The following C11orf65 variants were observed in gnomAD, a reference collection of about 807,000 sequenced individuals.
The protein encoded by C11orf65 is chromosome 11 open reading frame 65.
A neutral mutation model predicts 35.3 loss-of-function variants in C11orf65; 38 were observed. The observed-to-expected ratio is 1.08, with a 90% CI of 0.83 to 1.41. C11orf65 has a LOEUF of 1.41. C11orf65 is among the 40% of genes most tolerant of loss of function. The pLI, the probability that C11orf65 is intolerant of heterozygous loss-of-function variation, is 0.00. For missense variants in C11orf65, 370 were observed against 367.1 expected, an observed-to-expected ratio of 1.01 and a Z score of -0.06; for synonymous variants, 105 against 114.4, an observed-to-expected ratio of 0.92 and a Z score of 0.53.
At chr11:108,358,616 C>A in intron 2 of C11orf65, among the ~76,000 whole-genome samples, 1 of 134,010 alleles carries the variant, frequency 7.5e-6, no homozygotes, top group Admixed American at 7.8e-5. Flanking sequence ...ACCCTACAAG[C>A]CAGAAGAGAG....
intron 2 of C11orf65, among the ~76,000 whole-genome samples, chr11:108,434,050 G>C (rs187641990): frequency 4.6e-5 from 7 of 152,288 alleles, no homozygotes; most frequent in Admixed American, 3.9e-4. Context: ...GAAGATGCTT[G>C]TGTCGTATGT....
rs146060206 is a variant in C11orf65, at chr11:108,414,029, A to C, written c.175-6880T>G. ...GGGACTAGAAAAGCAAAGCAAATTA[A>C]ATTCAAAGCAAGCAGACGAAAATAA... On this transcript the variant is annotated intron_variant, in intron 3 of 8. Coordinates refer to ENST00000393084, the MANE Select transcript of C11orf65 (RefSeq NM_152587.5). 6.0e-3 allele frequency among the ~76,000 whole-genome samples: 917 copies of C among 152,208 alleles called. 6 individuals carry two copies. The highest frequency in any genetic ancestry group is 0.011 in the East Asian group (55 of 5,180).
chr11:108,322,094 G>T (rs1204536483), intron 6 of C11orf65, among the ~76,000 whole-genome samples: 2 of 152,062 alleles, frequency 1.3e-5, no homozygotes, highest in Non-Finnish European at 2.9e-5. Flanking sequence ...TCCCTTAAAA[G>T]TGGGAACCAT....
intron 3 of C11orf65, among the ~76,000 whole-genome samples, chr11:108,425,410 A>C (rs1417109169): frequency 6.6e-6 from 1 of 152,238 alleles, no homozygotes; most frequent in East Asian, 1.9e-4. Context: ...GAAATGGATA[A>C]ATTCCTGGAC....
chr11:108,348,620 A>G (rs1010152862), intron 2 of C11orf65, among the ~76,000 whole-genome samples: 2 of 152,132 alleles, frequency 1.3e-5, no homozygotes, highest in Admixed American at 6.5e-5. Flanking sequence ...AACTTCTATT[A>G]AACAGTATTA....
At chr11:108,449,405 C>T (rs1211986065) in intron 2 of C11orf65, among the ~76,000 whole-genome samples, 1 of 151,922 alleles carries the variant, frequency 6.6e-6, no homozygotes, top group African/African-American at 2.4e-5. Flanking sequence ...GCTACAGTAA[C>T]CAAAACAGCA....
At chr11:108,313,142 G>C (rs2136075603) in intron 6 of C11orf65, among the ~76,000 whole-genome samples, 1 of 152,286 alleles carries the variant, frequency 6.6e-6, no homozygotes, top group East Asian at 1.9e-4. Flanking sequence ...TCATGTTACA[G>C]AAACAGTTTA....
downstream of C11orf65, among the ~76,000 whole-genome samples, chr11:108,328,581 T>C (rs1296435681): frequency 6.6e-6 from 1 of 152,218 alleles, no homozygotes; most frequent in Non-Finnish European, 1.5e-5. Flanking sequence ...TCTCTGTTTT[T>C]GCAGAGTTCT....
downstream of C11orf65, chr11:108,331,253 A>G: frequency 5.3e-6 from 7 of 1,310,166 alleles, no homozygotes; most frequent in Non-Finnish European, 6.8e-6. Context: ...TTACCAATGC[A>G]TTAATCTAGA....
intron 3 of C11orf65, among the ~76,000 whole-genome samples, chr11:108,411,685 ACT>A (rs1463564723): frequency 6.6e-6 from 1 of 151,748 alleles, no homozygotes; most frequent in African/African-American, 2.4e-5. Context: ...TATTGAACTG[ACT>A]CTATCATTAT....
intron 6 of C11orf65, chr11:108,321,232 A>G (rs2085182930): frequency 6.3e-7 from 1 of 1,598,868 alleles, no homozygotes; most frequent in Non-Finnish European, 8.6e-7. Context: ...TTTAACAACA[A>G]ATTTAAACAT....
At chr11:108,444,648 C>G (rs1238948041) in intron 2 of C11orf65, among the ~76,000 whole-genome samples, 2 of 152,130 alleles carry the variant, frequency 1.3e-5, no homozygotes, top group Non-Finnish European at 2.9e-5. Context: ...CGAATAGGAA[C>G]AGCTCCAGTC....
At chr11:108,467,043 G>C (rs1253626553) in intron 1 of C11orf65, among the ~76,000 whole-genome samples, 2 of 152,108 alleles carry the variant, frequency 1.3e-5, no homozygotes, top group Non-Finnish European at 2.9e-5. Flanking sequence ...AAACTGAAAA[G>C]ACGTAAAACA....
chr11:108,430,107 T>C (rs2092963639), intron 3 of C11orf65, among the ~76,000 whole-genome samples: 1 of 151,482 alleles, frequency 6.6e-6, no homozygotes, highest in Non-Finnish European at 1.5e-5. Flanking sequence ...TAAATGTGTT[T>C]AGTACTACTG....
chr11:108,384,193 T>C (rs1241946429), intron 8 of C11orf65, among the ~76,000 whole-genome samples: 1 of 152,122 alleles, frequency 6.6e-6, no homozygotes, highest in Admixed American at 6.6e-5. Flanking sequence ...AAAAGATGAC[T>C]ATCTATTGAG....
At chr11:108,441,347 C>T (rs2093150766) in intron 2 of C11orf65, among the ~76,000 whole-genome samples, 1 of 152,214 alleles carries the variant, frequency 6.6e-6, no homozygotes, top group Non-Finnish European at 1.5e-5. Flanking sequence ...TGGAGCCCAC[C>T]AACAGTTCAA....
At chr11:108,333,844 T>C (rs2136607715) in intron 3 of C11orf65, 2 of 1,462,820 alleles carry the variant, frequency 1.4e-6, no homozygotes, top group Non-Finnish European at 1.9e-6. Flanking sequence ...TTCAATGCTG[T>C]TCCTCAGTTT....
intron 2 of C11orf65, chr11:108,365,611 T>C (rs2091270544): frequency 7.3e-7 from 1 of 1,371,352 alleles, no homozygotes; most frequent in Non-Finnish European, 1.0e-6. Flanking sequence ...AATATTTAAG[T>C]GAACTATTGT....
chr11:108,441,781 A>C (rs1467548512), intron 2 of C11orf65, among the ~76,000 whole-genome samples: 1 of 152,200 alleles, frequency 6.6e-6, no homozygotes, highest in East Asian at 1.9e-4. Context: ...GAAAACTAAC[A>C]AACAGAAAGG....
Sources: allele counts gnomAD v4.1 joint callset (sites outside exome capture counted in the v4.1 genomes callset), GRCh38; gene constraint gnomAD v4.1.1; transcripts MANE v1.5; gene names NCBI Gene and HGNC (gene_info 2026-07-23, HGNC 2026-07-21).